Variants in HYDIN observed in about 807,000 individuals in gnomAD.
HYDIN encodes the protein axonemal central pair apparatus protein HYDIN.
A neutral mutation model predicts 403.9 loss-of-function variants in HYDIN; 132 were observed. The ratio of observed to expected loss-of-function variants is 0.33; its 90% CI spans 0.28 to 0.38. The LOEUF (loss-of-function observed/expected upper bound fraction) is 0.38. Among genes scored for constraint, HYDIN ranks in the 10% least tolerant of loss-of-function variants. The probability of loss-of-function intolerance (pLI) is 1.00; values close to 1 mark genes in which losing one functional copy is unlikely to be tolerated. For missense variants in HYDIN, 2,827 were observed against 5,009.5 expected (o/e 0.56, Z 13.15); for synonymous variants, 1,202 against 1,891.7 (o/e 0.64, Z 9.46).
rs958306218 is a variant in HYDIN at position 70,874,884 on chromosome 16, GAA to G, written c.10591_10592del (p.Phe3531LeufsTer18). The G allele has an allele frequency of 6.2e-7, 1 of 1,611,784 alleles. No individual in the cohort carries two copies. The highest frequency in any genetic ancestry group is 8.5e-7 in the Non-Finnish European group (1 of 1,179,420). The part of the protein sequence containing the change: ...HVDLQDELGV[F>X]SLKGRPTTAY... Reference sequence around the variant, plus strand: ...CGGTGGTGGGCCTCCCTTTCAGGGAGAAGACTCCTAGCTCATCCTGCAGGTCA... The same window carrying G: ...CGGTGGTGGGCCTCCCTTTCAGGGAGGACTCCTAGCTCATCCTGCAGGTCA... On this transcript the variant is annotated frameshift_variant, in exon 63 of 86. Transcript: ENST00000393567. LOFTEE classifies it high-confidence loss of function.
At chr16:70,884,472 G>A (rs566351602) in intron 58 of HYDIN, among the ~76,000 whole-genome samples, 160 of 152,172 alleles carry the variant, frequency 1.1e-3, no homozygotes, top group Admixed American at 2.1e-3. Flanking sequence ...AGTGGGTGAG[G>A]TTATGGGCCT....
At chr16:71,215,541 G>A (rs564102224) in intron 1 of HYDIN, among the ~76,000 whole-genome samples, 7 of 149,484 alleles carry the variant, frequency 4.7e-5, no homozygotes, top group East Asian at 2.0e-4. Flanking sequence ...CTGATAACAC[G>A]TAAATCCTGT....
intron 53 of HYDIN, among the ~76,000 whole-genome samples, chr16:70,897,205 G>T (rs1416206678): frequency 1.1e-4 from 17 of 152,080 alleles, no homozygotes; most frequent in African/African-American, 4.1e-4. Context: ...TGAACCAACT[G>T]TTGCCTCTTG....
At chr16:70,990,140 A>G (rs1321310024) in intron 25 of HYDIN, among the ~76,000 whole-genome samples, 1 of 151,998 alleles carries the variant, frequency 6.6e-6, no homozygotes, top group Non-Finnish European at 1.5e-5. Context: ...TCATGGCTGT[A>G]ATCCCAGGAC....
intron 11 of HYDIN, among the ~76,000 whole-genome samples, chr16:71,089,151 T>C (rs2144366952): frequency 6.6e-6 from 1 of 150,978 alleles, no homozygotes; most frequent in African/African-American, 2.4e-5. Flanking sequence ...TGTACTCCTA[T>C]ATTCTAGTGT....
chr16:70,819,996 A>G (rs9938083), intron 83 of HYDIN, among the ~76,000 whole-genome samples: 4 of 71,622 alleles, frequency 5.6e-5, no homozygotes, highest in Admixed American at 1.4e-4. Flanking sequence ...TTTTTTTTGT[A>G]TTTTTAGTAG....
At chr16:71,073,073 C>T (rs546969007) in intron 13 of HYDIN, among the ~76,000 whole-genome samples, 43 of 152,380 alleles carry the variant, frequency 2.8e-4, no homozygotes, top group African/African-American at 1.0e-3. Context: ...CAGAAAAAAC[C>T]TTCAGAAGCA....
At chr16:71,169,346 T>C (rs1252856000) in intron 5 of HYDIN, among the ~76,000 whole-genome samples, 1 of 151,908 alleles carries the variant, frequency 6.6e-6, no homozygotes, top group East Asian at 1.9e-4. Flanking sequence ...GGTGGGAGGA[T>C]TGTTTGAGCC....
chr16:71,164,112 ATC>A (rs2086124937), intron 5 of HYDIN, among the ~76,000 whole-genome samples: 1 of 145,280 alleles, frequency 6.9e-6, no homozygotes, highest in Non-Finnish European at 1.5e-5. Context: ...GGTATCTGAT[ATC>A]TAAAAAAAGC....
chr16:70,886,737 CCACTTTCTTT>C (rs1481047305), intron 58 of HYDIN, among the ~76,000 whole-genome samples: 5 of 152,136 alleles, frequency 3.3e-5, no homozygotes, highest in Non-Finnish European at 7.3e-5. Flanking sequence ...AAATATTGTG[CCACTTTCTTT>C]TGGGTCTCTA....
At chr16:71,219,648 T>A (rs2089091137) in intron 1 of HYDIN, among the ~76,000 whole-genome samples, 1 of 149,626 alleles carries the variant, frequency 6.7e-6, no homozygotes, top group Non-Finnish European at 1.5e-5. Flanking sequence ...TTTAAAAAAA[T>A]CAGATAACTA....
intron 40 of HYDIN, among the ~76,000 whole-genome samples, chr16:70,954,903 C>A (rs994895396): frequency 4.6e-4 from 70 of 152,288 alleles, no homozygotes; most frequent in African/African-American, 1.6e-3. Flanking sequence ...AGTTTCCCTG[C>A]TTTTTTGGTC....
chr16:71,110,162 C>A (rs990964255), intron 10 of HYDIN, among the ~76,000 whole-genome samples: 1 of 144,718 alleles, frequency 6.9e-6, no homozygotes, highest in Admixed American at 7.1e-5. Flanking sequence ...TTCATTTAAT[C>A]AACATTTATT....
chr16:70,802,462 T>A lies in HYDIN; in HGVS notation c.*5118A>T, dbSNP rs573467280. 6.6e-6 allele frequency: 1 copy of A among 152,140 alleles called. No homozygotes were observed. The highest frequency in any genetic ancestry group is 1.5e-5 in the Non-Finnish European group (1 of 68,028). The allele number at this position is 152,140 out of a possible 1,614,324, so 9.4% of individuals were successfully genotyped here. On this transcript the variant is annotated 3_prime_UTR_variant, in exon 86 of 86. Coordinates refer to ENST00000393567, the MANE Select transcript of HYDIN (RefSeq NM_001270974.2). The stretch of plus-strand genomic sequence containing the variant: ...GTACTTAAAAGAGATTAGAAGAAAT[T>A]TGAACTGGAAGAGAGACTCTCCTGT...
chr16:70,979,275 C>G (rs539901768), intron 29 of HYDIN, among the ~76,000 whole-genome samples: 119 of 139,662 alleles, frequency 8.5e-4, no homozygotes, highest in Middle Eastern at 3.5e-3. Context: ...TAGTGAAGGA[C>G]TGGCTAGTTC....
chr16:71,207,630 G>A (rs1156888298), intron 1 of HYDIN, among the ~76,000 whole-genome samples: 2 of 152,150 alleles, frequency 1.3e-5, no homozygotes, highest in Admixed American at 6.5e-5. Context: ...AGAGTGGCAA[G>A]CTGAATGAAG....
At chr16:70,853,967 C>A (rs1338439742) in intron 73 of HYDIN, among the ~76,000 whole-genome samples, 1 of 148,532 alleles carries the variant, frequency 6.7e-6, no homozygotes, top group Non-Finnish European at 1.5e-5. Context: ...GCAACCTCTG[C>A]CTCCTGGGTT....
intron 50 of HYDIN, among the ~76,000 whole-genome samples, chr16:70,905,062 G>C (rs964361901): frequency 2.0e-5 from 3 of 152,146 alleles, no homozygotes; most frequent in African/African-American, 7.2e-5. Flanking sequence ...ATCATCAGAG[G>C]TCACGGCACA....
intron 1 of HYDIN, among the ~76,000 whole-genome samples, chr16:71,213,424 G>A (rs894898336): frequency 5.3e-5 from 8 of 152,100 alleles, no homozygotes; most frequent in East Asian, 1.9e-4. Context: ...AAAGAGTTCT[G>A]AGATCTCTCT....
Sources: allele counts gnomAD v4.1 joint callset (sites outside exome capture counted in the v4.1 genomes callset), GRCh38; gene constraint gnomAD v4.1.1; transcripts MANE v1.5; gene names NCBI Gene and HGNC (gene_info 2026-07-23, HGNC 2026-07-21).